The following DRC9 variants were observed in gnomAD, a reference collection of about 807,000 sequenced individuals.
DRC9 encodes dynein regulatory complex protein 9.
chr3:197,890,074 G>T, the DRC9 span, among the ~76,000 whole-genome samples: 1 of 152,096 alleles, frequency 6.6e-6, no homozygotes. Flanking sequence ...AGTTACCTGG[G>T]CCAAGGGCAA....
At chr3:197,956,207 CCT>C in the DRC9 span, 65,480 of 216,398 alleles carry the variant, frequency 0.3, 15,550 homozygotes, top group African/African-American at 0.74. Flanking sequence ...CCTTCCTTGG[CCT>C]CTCCTGAAGT....
the DRC9 span, among the ~76,000 whole-genome samples, chr3:197,927,316 T>C: frequency 1.3e-5 from 2 of 152,164 alleles, no homozygotes; most frequent in African/African-American, 4.8e-5. Flanking sequence ...AACCTCCGCC[T>C]CCCGGGTTCA....
chr3:197,932,241 TG>T, the DRC9 span: 1 of 1,613,566 alleles, frequency 6.2e-7, no homozygotes, highest in Non-Finnish European at 8.5e-7. Context: ...AGGAGACTGT[TG>T]TAAGTGGCCG....
the DRC9 span, chr3:197,955,694 T>C: frequency 1.4e-6 from 2 of 1,412,056 alleles, no homozygotes; most frequent in Admixed American, 1.7e-5. Flanking sequence ...CGGTTCTTGA[T>C]TTGTAGACGT....
chr3:197,926,211 C>T, the DRC9 span: 4 of 669,192 alleles, frequency 6.0e-6, no homozygotes, highest in South Asian at 1.7e-5. Flanking sequence ...CCTCTTCCCC[C>T]AGAGAATCTG....
chr3:197,918,214 T>A, the DRC9 span, among the ~76,000 whole-genome samples: 1 of 147,252 alleles, frequency 6.8e-6, no homozygotes, highest in South Asian at 2.2e-4. Context: ...TAGCTGGGCC[T>A]ACATGTACGT....
the DRC9 span, among the ~76,000 whole-genome samples, chr3:197,922,713 AAAATAAAT>A: frequency 0.012 from 1,228 of 100,962 alleles, 11 homozygotes; most frequent in African/African-American, 0.037. Context: ...CTCAAAAATA[AAAATAAAT>A]AAATAAATAA....
At chr3:197,934,791 G>T in the DRC9 span, among the ~76,000 whole-genome samples, 6 of 143,134 alleles carry the variant, frequency 4.2e-5, no homozygotes, top group Admixed American at 3.5e-4. Flanking sequence ...AACATAGTGA[G>T]ACCCCCTCCC....
the DRC9 span, chr3:197,943,726 A>T: frequency 1.4e-6 from 2 of 1,452,822 alleles, no homozygotes; most frequent in Non-Finnish European, 9.6e-7. Context: ...ACTATAAATG[A>T]GGGAGAAATA....
chr3:197,912,098 T>A, the DRC9 span, among the ~76,000 whole-genome samples: 1 of 152,104 alleles, frequency 6.6e-6, no homozygotes, highest in East Asian at 1.9e-4. Flanking sequence ...TGGAGTACGG[T>A]GGCGTGATCT....
the DRC9 span, chr3:197,913,743 T>G: frequency 1.1e-6 from 1 of 924,812 alleles, no homozygotes; most frequent in African/African-American, 1.6e-5. Context: ...GCTTTTATTT[T>G]CAACCTCAAG....
At chr3:197,919,078 G>T in the DRC9 span, among the ~76,000 whole-genome samples, 1 of 152,300 alleles carries the variant, frequency 6.6e-6, no homozygotes, top group South Asian at 2.1e-4. Context: ...AAAGTGCTGG[G>T]ATTATAGACA....
the DRC9 span, among the ~76,000 whole-genome samples, chr3:197,929,455 A>C: frequency 6.6e-6 from 1 of 152,158 alleles, no homozygotes; most frequent in South Asian, 2.1e-4. This position sits in a 1 kb window ranked among gnomAD's most constrained non-coding sequence, Gnocchi z 4.6. Context: ...AAGATGACCA[A>C]ACACAATTCC....
chr3:197,938,618 G>C, the DRC9 span: 14 of 1,614,134 alleles, frequency 8.7e-6, no homozygotes, highest in Non-Finnish European at 1.2e-5. Flanking sequence ...TTGAAGACAA[G>C]ATCCTGCATT....
chr3:197,933,655 A>G, the DRC9 span, among the ~76,000 whole-genome samples: 1 of 152,130 alleles, frequency 6.6e-6, no homozygotes, highest in South Asian at 2.1e-4. Context: ...TGTGTCAGAT[A>G]TATCTGAAGT....
the DRC9 span, chr3:197,889,740 C>T: frequency 1.2e-5 from 20 of 1,612,664 alleles, no homozygotes; most frequent in South Asian, 7.7e-5. Context: ...GGAGTGAGTA[C>T]GACGTATGCT....
the DRC9 span, chr3:197,892,816 G>C: frequency 3.1e-6 from 5 of 1,597,700 alleles, no homozygotes; most frequent in East Asian, 2.2e-5. Context: ...GCTGTATACT[G>C]TATGATTCCA....
the DRC9 span, among the ~76,000 whole-genome samples, chr3:197,934,556 G>C: frequency 6.6e-6 from 1 of 152,120 alleles, no homozygotes; most frequent in Non-Finnish European, 1.5e-5. Flanking sequence ...AGTAAACCAG[G>C]TTCAGGAAAG....
chr3:197,939,775 G>A, the DRC9 span, among the ~76,000 whole-genome samples: 1 of 151,330 alleles, frequency 6.6e-6, no homozygotes, highest in South Asian at 2.1e-4. Flanking sequence ...GTCTTGCTCC[G>A]CCGCCCAGGC....
Sources: allele counts gnomAD v4.1 joint callset (sites outside exome capture counted in the v4.1 genomes callset), GRCh38; gene constraint gnomAD v4.1.1; non-coding constraint Gnocchi (gnomAD v3.1); transcripts MANE v1.5; gene names NCBI Gene and HGNC (gene_info 2026-07-23, HGNC 2026-07-21).